The following PAXIP1 variants were observed in gnomAD, a reference collection of about 807,000 sequenced individuals.
The protein encoded by PAXIP1 is PAX-interacting protein 1.
A neutral mutation model predicts 140.6 loss-of-function variants in PAXIP1; 19 were observed. The observed-to-expected ratio is 0.14, with a 90% confidence interval of 0.09 to 0.20. The LOEUF (loss-of-function observed/expected upper bound fraction) is 0.20, where lower values mean the gene tolerates loss of function less well. Among genes scored for constraint, PAXIP1 ranks in the 10% least tolerant of loss-of-function variants. PAXIP1 has a pLI of 1.00. For synonymous variants in PAXIP1, 442 were observed against 444.6 expected (o/e 0.99, Z 0.07); for missense variants, 920 against 1,208.6 (o/e 0.76, Z 3.54).
chr7:154,962,118 T>C (rs1443529880), intron 10 of PAXIP1, among the ~76,000 whole-genome samples: 11 of 152,198 alleles, frequency 7.2e-5, no homozygotes, highest in East Asian at 1.9e-4. Context: ...ATATCTACTA[T>C]GTGCAGAAAA....
At chr7:154,969,836 A>G (rs1031566799) in intron 6 of PAXIP1, among the ~76,000 whole-genome samples, 1 of 152,186 alleles carries the variant, frequency 6.6e-6, no homozygotes, top group African/African-American at 2.4e-5. Context: ...TGTTCCTCCC[A>G]ACTAAGGACT....
At chr7:154,980,780 T>A (rs967751743) in intron 5 of PAXIP1, among the ~76,000 whole-genome samples, 2 of 152,204 alleles carry the variant, frequency 1.3e-5, no homozygotes, top group Non-Finnish European at 2.9e-5. Context: ...AAATCCTGGA[T>A]GTTTTTCATT....
intron 5 of PAXIP1, among the ~76,000 whole-genome samples, chr7:154,977,089 A>G (rs925581102): frequency 2.0e-5 from 3 of 152,196 alleles, no homozygotes; most frequent in African/African-American, 7.2e-5. Flanking sequence ...CACAGTTAGA[A>G]TGAAAGCAGA....
intron 2 of PAXIP1, among the ~76,000 whole-genome samples, chr7:154,995,015 A>T (rs972869077): frequency 2.6e-5 from 4 of 152,202 alleles, no homozygotes; most frequent in East Asian, 1.9e-4. Context: ...CTGAATTCAG[A>T]ACACCTTCAT....
In PAXIP1 at chr7:154,995,413, T is replaced by C. The variant is rs1441412391; in HGVS notation, c.217-1644A>G. On this transcript the variant is annotated intron_variant, in intron 2 of 20. Coordinates refer to ENST00000404141, the MANE Select transcript of PAXIP1 (RefSeq NM_007349.4). ...ATCATAAAGTCCCATCCAAGCACAG[T>C]AGAATCACTGAGGCCCTACTTCAGA... Among the ~76,000 whole-genome samples, 6 of 152,090 alleles carry C rather than the reference T, an allele frequency of 3.9e-5. No homozygotes were observed. In the East Asian group the frequency reaches 5.8e-4, roughly 15 times the overall value.
In PAXIP1 at chr7:154,963,101, G is replaced by A. The variant is rs1808837711; in HGVS notation, c.1989+570C>T. On this transcript the variant is annotated intron_variant, in intron 9 of 20. Coordinates refer to ENST00000404141, the MANE Select transcript of PAXIP1 (RefSeq NM_007349.4). The surrounding 1 kb of genome is among the most constrained non-coding windows in gnomAD (Gnocchi z 4.1). The stretch of plus-strand genomic sequence containing the variant: ...ACGCTTGTGTGCAAGTCACACACCA[G>A]TACAGAATCCTGCGTCCCTTCACCG... Among the ~76,000 whole-genome samples the A allele has an allele frequency of 1.3e-5, 2 of 152,200 alleles. No individual in the cohort carries two copies. The highest frequency in any genetic ancestry group is 2.9e-5 in the Non-Finnish European group (2 of 68,036).
intron 13 of PAXIP1, 74 bp from the exon 14 acceptor site, chr7:154,957,368 T>C: frequency 1.3e-6 from 1 of 755,840 alleles, no homozygotes; most frequent in Non-Finnish European, 2.2e-6. Flanking sequence ...AAGATTTATG[T>C]GTCAAATAAT....
Position 154,947,995 on chromosome 7 carries a change from T to C in PAXIP1, c.2830A>G (p.Asn944Asp). The C allele has an allele frequency of 6.2e-7, 1 of 1,609,750 alleles. No individual in the cohort carries two copies. Among genetic ancestry groups the C allele is most frequent in the Non-Finnish European group, 8.5e-7 (1 of 1,176,030 alleles). The change falls in exon 17 of 21, where the codon AAC (asparagine) becomes GAC (aspartate). Residue 944 changes from asparagine to aspartate, a missense_variant. Coordinates refer to ENST00000404141, the MANE Select transcript of PAXIP1 (RefSeq NM_007349.4). ...GCCTCAGCATCTCGGAGAATGTAGT[T>C]CTGCTCATCTGGAAAACAGAACAGC... ...FRCQKFIDEQ[N>D]YILRDAEAEV...
Position 154,961,616 on chromosome 7 carries a change from G to A in PAXIP1, c.2160C>T (p.Asp720=). ...AAGCCATTAATTTTAGGTCATCTCT[G>A]TCACTATCAACAAATCCAGTCACAG... ...IISVTGFVDS[D]RDDLKLMAYL... The change falls in exon 11 of 21, where the codon GAC becomes GAT. Residue 720 remains aspartate, a synonymous_variant. Coordinates refer to ENST00000404141, the MANE Select transcript of PAXIP1 (RefSeq NM_007349.4). 2.5e-6 allele frequency: 4 copies of A among 1,602,764 alleles called. No homozygotes were observed. The highest frequency in any genetic ancestry group is 3.4e-6 in the Non-Finnish European group (4 of 1,173,656).
intron 4 of PAXIP1, among the ~76,000 whole-genome samples, chr7:154,990,459 G>A (rs527526714): frequency 6.6e-6 from 1 of 152,346 alleles, no homozygotes; most frequent in South Asian, 2.1e-4. Context: ...CTGCCGGCAG[G>A]AAGCAGGAGT....
At position 154,956,315 on chromosome 7, in the gene PAXIP1, G is replaced by C. The variant is rs1382411282; in HGVS notation, c.2550-684C>G. The stretch of plus-strand genomic sequence containing the variant: ...AGCCTCAAAAAAATCACATAATTAG[G>C]ATTTTATTACAAAAGTCAACAGTTC... On this transcript the variant is annotated intron_variant, in intron 14 of 20. Coordinates refer to ENST00000404141, the MANE Select transcript of PAXIP1 (RefSeq NM_007349.4). This position sits in a 1 kb window ranked among gnomAD's most constrained non-coding sequence, Gnocchi z 4.2. 1 of 152,174 alleles carries C rather than the reference G, an allele frequency of 6.6e-6. No individual in the cohort carries two copies. Among genetic ancestry groups the C allele is most frequent in the Middle Eastern group, 3.4e-3 (1 of 294 alleles). The allele number at this position is 152,174 out of a possible 1,614,324, so 9.4% of individuals were successfully genotyped here.
rs1808857258 is a variant in PAXIP1, at chr7:154,963,409, C to T, written c.1989+262G>A. ...CAGGCTGGTCTCAAACGCCTGACCTCGTGACCCGTCCACCTCGGCCTCCTG... is the reference window on the plus strand; with the variant it reads ...CAGGCTGGTCTCAAACGCCTGACCTTGTGACCCGTCCACCTCGGCCTCCTG... On this transcript the variant is annotated intron_variant, in intron 9 of 20. Transcript: ENST00000404141. The surrounding 1 kb of genome is among the most constrained non-coding windows in gnomAD (Gnocchi z 4.1). 6.6e-6 allele frequency among the ~76,000 whole-genome samples: 1 copy of T among 151,810 alleles called. No individual in the cohort carries two copies. Among genetic ancestry groups the T allele is most frequent in the African/African-American group, 2.4e-5 (1 of 41,290 alleles).
At chr7:154,970,218 C>G (rs139097919) in intron 6 of PAXIP1, among the ~76,000 whole-genome samples, 121 of 152,326 alleles carry the variant, frequency 7.9e-4, no homozygotes, top group African/African-American at 2.8e-3. Context: ...TCAATCCATA[C>G]AACTTTTAAC....
chr7:154,983,188 A>G (rs1243815312), intron 5 of PAXIP1, 31 bp downstream of exon 5: 1 of 1,113,932 alleles, frequency 9.0e-7, no homozygotes, highest in Non-Finnish European at 1.3e-6. Context: ...TAAATGACAT[A>G]CAAAAAGAAG....
At position 154,973,383 on chromosome 7, in the gene PAXIP1, G is replaced by A. The variant is rs148819813; in HGVS notation, c.1074+2313C>T. On this transcript the variant is annotated intron_variant, in intron 6 of 20. Coordinates refer to ENST00000404141, the MANE Select transcript of PAXIP1 (RefSeq NM_007349.4). The surrounding 1 kb of genome is among the most constrained non-coding windows in gnomAD (Gnocchi z 4.0). ...CCCAGGACTTGAGGAAGGCCAGCTC[G>A]GCATTTTATCAGGCATCCACCTCTC... is the stretch of plus-strand genomic sequence containing the variant. Among the ~76,000 whole-genome samples the A allele has an allele frequency of 1.1e-4, 17 of 152,282 alleles. No homozygotes were observed. The highest frequency in any genetic ancestry group is 2.1e-4 in the South Asian group (1 of 4,828).
chr7:154,962,600 G>GT (rs2150751515), intron 9 of PAXIP1, 142 bp from the exon 10 acceptor site: 3 of 649,776 alleles, frequency 4.6e-6, no homozygotes, highest in East Asian at 5.7e-5. Flanking sequence ...CTTGATTAAA[G>GT]TAACGAATTA....
At chr7:155,002,775 GGGACGGGGACGGGGACGGGGAC>G (rs1312946757) in intron 1 of PAXIP1, 52 bp downstream of exon 1, 9 of 711,838 alleles carry the variant, frequency 1.3e-5, no homozygotes, top group African/African-American at 5.2e-5. Context: ...GGCAGGAGCG[GGGACGGGGACGGGGACGGGGAC>G]GGACGGGGAC....
chr7:154,953,560 C>T (rs58787709), intron 16 of PAXIP1, among the ~76,000 whole-genome samples: 1 of 152,102 alleles, frequency 6.6e-6, no homozygotes, highest in African/African-American at 2.4e-5. Flanking sequence ...AGGTGCCTGA[C>T]CTAGATGACG....
Position 154,967,873 on chromosome 7 carries a change from T to C in PAXIP1, c.1836A>G (p.Ala612=). 1.2e-6 allele frequency: 2 copies of C among 1,613,736 alleles called. No homozygotes were observed. Among genetic ancestry groups the C allele is most frequent in the Non-Finnish European group, 1.7e-6 (2 of 1,179,710 alleles). ...EEGFLLGCVF[A]IADYPEQMSD... The stretch of plus-strand genomic sequence containing the variant: ...ACATCTGCTCTGGATAATCCGCAAT[T>C]GCAAACACACATCCCAATAAGAAGC... Residue 612 remains alanine, a synonymous_variant, in exon 8 of 21, where the codon GCA becomes GCG. Transcript: ENST00000404141.
Sources: gnomAD v4.1 joint callset for allele counts (sites outside exome capture counted in the v4.1 genomes callset) on GRCh38, gnomAD v4.1.1 for gene constraint, Gnocchi (gnomAD v3.1) non-coding constraint, MANE v1.5 for transcripts, NCBI Gene and HGNC (gene_info 2026-07-23, HGNC 2026-07-21) for gene names.